EYS: variants seen among roughly 807,000 people sequenced by gnomAD.
EYS encodes EGF-like photoreceptor maintenance factor.
In EYS, 250 loss-of-function variants were observed where a neutral mutation model predicts 282.1. The observed-to-expected ratio is 0.89, with a 90% CI of 0.80 to 0.98. EYS has a LOEUF of 0.98. Ranked by LOEUF, EYS falls within the 50% of genes least tolerant of loss-of-function variation. EYS has a pLI of 0.00. For synonymous variants in EYS, 1,355 were observed against 1,282.9 expected, an observed-to-expected ratio of 1.06 and a Z score of -1.20; for missense variants, 4,016 against 3,709.0, an observed-to-expected ratio of 1.08 and a Z score of -2.15.
chr6:65,285,303 A>T (rs1256568472), intron 12 of EYS, among the ~76,000 whole-genome samples: 2 of 151,960 alleles, frequency 1.3e-5, no homozygotes, highest in East Asian at 3.9e-4. Context: ...TTTTCCATGG[A>T]ATTTAAATTA....
Position 63,753,967 on chromosome 6 carries a change from A to AT in EYS, c.8071+8493dup, listed in dbSNP as rs543477296. On this transcript the variant is annotated intron_variant, in intron 41 of 42. Coordinates refer to ENST00000503581, the MANE Select transcript of EYS (RefSeq NM_001142800.2). ...TTACCCATCCTTTGAAACCTAATTA[A>AT]TTCTATCACTTTCTAATGCCCATTT... 7.2e-4 allele frequency among the ~76,000 whole-genome samples: 110 copies of AT among 152,232 alleles called. 2 individuals are homozygous for AT. In the South Asian group the frequency reaches 0.022, roughly 30 times the overall value.
intron 29 of EYS, among the ~76,000 whole-genome samples, chr6:64,335,076 T>A (rs1000480149): frequency 1.9e-4 from 29 of 152,046 alleles, no homozygotes; most frequent in Admixed American, 1.4e-3. Context: ...AAGATGAGTA[T>A]GTACCCACTC....
At chr6:64,084,013 C>T (rs559381481) in intron 31 of EYS, among the ~76,000 whole-genome samples, 1 of 152,218 alleles carries the variant, frequency 6.6e-6, no homozygotes, top group East Asian at 1.9e-4. Context: ...GCTGGGATTA[C>T]AGGCGTGAGC....
At chr6:65,030,098 T>C (rs1308462682) in intron 13 of EYS, among the ~76,000 whole-genome samples, 1 of 152,150 alleles carries the variant, frequency 6.6e-6, no homozygotes, top group Non-Finnish European at 1.5e-5. Context: ...GCTAGGGATG[T>C]ACATCCCCCA....
chr6:65,434,943 T>C, intron 5 of EYS, among the ~76,000 whole-genome samples: 1 of 152,042 alleles, frequency 6.6e-6, no homozygotes, highest in South Asian at 2.1e-4. Flanking sequence ...ATATTTATTA[T>C]ACATAGGCTC....
chr6:65,140,735 G>GA (rs1764309098), intron 12 of EYS, among the ~76,000 whole-genome samples: 1 of 152,042 alleles, frequency 6.6e-6, no homozygotes, highest in South Asian at 2.1e-4. Context: ...AAAGACACGT[G>GA]AAAAAACGCT....
At chr6:64,029,210 C>T (rs1291296595) in intron 33 of EYS, among the ~76,000 whole-genome samples, 1 of 152,180 alleles carries the variant, frequency 6.6e-6, no homozygotes, top group Non-Finnish European at 1.5e-5. Context: ...CTTTATATGT[C>T]ACAGAGAGAG....
At chr6:64,647,683 T>C (rs1197173785) in intron 22 of EYS, among the ~76,000 whole-genome samples, 3 of 152,152 alleles carry the variant, frequency 2.0e-5, no homozygotes, top group Non-Finnish European at 2.9e-5. Context: ...GAAAATTACA[T>C]GATAAATTAT....
At chr6:63,970,866 A>G (rs973541802) in intron 35 of EYS, among the ~76,000 whole-genome samples, 71 of 152,196 alleles carry the variant, frequency 4.7e-4, no homozygotes, top group African/African-American at 1.7e-3. Flanking sequence ...TAATTTCATA[A>G]TGGTAAAATC....
intron 31 of EYS, among the ~76,000 whole-genome samples, chr6:64,086,122 T>A (rs1333701868): frequency 6.6e-6 from 1 of 152,200 alleles, no homozygotes; most frequent in East Asian, 1.9e-4. Flanking sequence ...CATTTCTGAC[T>A]TTTCTACATC....
intron 33 of EYS, among the ~76,000 whole-genome samples, chr6:64,031,243 G>A (rs565755569): frequency 1.5e-3 from 236 of 152,314 alleles, no homozygotes; most frequent in African/African-American, 3.6e-3. Context: ...GGCCAGCTCC[G>A]CACTCAGAGG....
rs570705843 is a variant in EYS, at chr6:64,707,373, A to T, written c.3444-81128T>A. ...GGGAGGCAATAGGGTGAGGGATAAA[A>T]GACTACATATTGGGGGCCAGGCATG... On this transcript the variant is annotated intron_variant, in intron 22 of 42. Transcript: ENST00000503581. 9.9e-5 allele frequency among the ~76,000 whole-genome samples: 15 copies of T among 152,196 alleles called. 1 individual carries two copies. The East Asian group carries it at 2.9e-3, about 29-fold the overall frequency.
chr6:64,923,319 T>C (rs192358098), intron 15 of EYS, among the ~76,000 whole-genome samples: 293 of 152,266 alleles, frequency 1.9e-3, no homozygotes, highest in Non-Finnish European at 3.4e-3. Context: ...ACTTAATGAC[T>C]ATCACGAGAA....
At chr6:65,530,295 A>G (rs1199846902) in intron 2 of EYS, among the ~76,000 whole-genome samples, 3 of 152,022 alleles carry the variant, frequency 2.0e-5, no homozygotes, top group Non-Finnish European at 1.5e-5. Context: ...AAATTCACAT[A>G]CTCTTTGACC....
chr6:64,881,999 C>G (rs1470607296), intron 19 of EYS, among the ~76,000 whole-genome samples: 1 of 151,682 alleles, frequency 6.6e-6, no homozygotes, highest in Non-Finnish European at 1.5e-5. Flanking sequence ...TAAGATCCAG[C>G]TTTTGATAAA....
At chr6:64,457,806 G>C (rs1184215597) in intron 26 of EYS, among the ~76,000 whole-genome samples, 1 of 151,122 alleles carries the variant, frequency 6.6e-6, no homozygotes, top group Non-Finnish European at 1.5e-5. Context: ...CCCCCCATTT[G>C]TCATGCTATG....
chr6:64,246,805 G>A (rs778621421), intron 30 of EYS, among the ~76,000 whole-genome samples: 1 of 151,982 alleles, frequency 6.6e-6, no homozygotes, highest in Non-Finnish European at 1.5e-5. Flanking sequence ...AACCCCTATG[G>A]GCAGTGAACT....
intron 31 of EYS, among the ~76,000 whole-genome samples, chr6:64,199,624 A>G (rs1333458325): frequency 2.0e-5 from 3 of 152,328 alleles, no homozygotes; most frequent in East Asian, 3.9e-4. Flanking sequence ...AGAAACCACC[A>G]TCAGAGTGAA....
intron 12 of EYS, among the ~76,000 whole-genome samples, chr6:65,201,579 A>G (rs1765902700): frequency 6.6e-6 from 1 of 152,176 alleles, no homozygotes; most frequent in Admixed American, 6.6e-5. Context: ...ATAACTAATT[A>G]TTATCCATTG....
Sources: gnomAD v4.1 joint callset for allele counts (sites outside exome capture counted in the v4.1 genomes callset) on GRCh38, gnomAD v4.1.1 for gene constraint, MANE v1.5 for transcripts, NCBI Gene and HGNC (gene_info 2026-07-23, HGNC 2026-07-21) for gene names.